Variants in GFRAL observed in about 807,000 individuals in gnomAD.
The protein encoded by GFRAL is GDNF family receptor alpha-like.
A neutral mutation model predicts 45.4 loss-of-function variants in GFRAL; 36 were observed. That is an observed-to-expected ratio of 0.79 (90% CI 0.61 to 1.05). GFRAL has a LOEUF of 1.05. Ranked by LOEUF, GFRAL falls within the 50% of genes least tolerant of loss-of-function variation. GFRAL has a pLI of 0.00. For missense variants in GFRAL, 507 were observed against 467.5 expected, an observed-to-expected ratio of 1.08 and a Z score of -0.78; for synonymous variants, 166 against 154.1, an observed-to-expected ratio of 1.08 and a Z score of -0.57.
At chr6:55,330,229 A>G (rs1160477062) in intron 1 of GFRAL, among the ~76,000 whole-genome samples, 2 of 152,168 alleles carry the variant, frequency 1.3e-5, no homozygotes, top group Non-Finnish European at 2.9e-5. Flanking sequence ...TTATTTATAT[A>G]TCTTATATAT....
intron 6 of GFRAL, among the ~76,000 whole-genome samples, chr6:55,365,450 G>T (rs1260758728): frequency 9.3e-6 from 1 of 107,382 alleles, no homozygotes; most frequent in Non-Finnish European, 1.9e-5. Flanking sequence ...CTGCCTAATT[G>T]CCCTGGCCAG....
At chr6:55,342,032 C>T (rs893161285) in intron 3 of GFRAL, among the ~76,000 whole-genome samples, 4 of 152,052 alleles carry the variant, frequency 2.6e-5, no homozygotes, top group Non-Finnish European at 4.4e-5. Flanking sequence ...TATGAAAAGA[C>T]CAAATCTACA....
chr6:55,384,121 G>A (rs1229780208), intron 6 of GFRAL, among the ~76,000 whole-genome samples: 1 of 151,926 alleles, frequency 6.6e-6, no homozygotes, highest in Non-Finnish European at 1.5e-5. Context: ...GGGGCCTGTT[G>A]GGGGGTTGGG....
intron 6 of GFRAL, among the ~76,000 whole-genome samples, chr6:55,359,488 C>A (rs1768244530): frequency 6.6e-6 from 1 of 152,068 alleles, no homozygotes; most frequent in East Asian, 1.9e-4. Flanking sequence ...AGTAACAAAA[C>A]AATGGCTTAA....
chr6:55,341,659 C>A (rs919917512), intron 3 of GFRAL, among the ~76,000 whole-genome samples: 4 of 152,106 alleles, frequency 2.6e-5, no homozygotes, highest in African/African-American at 9.7e-5. Context: ...AGCAATGGAA[C>A]AAAGCTGGAT....
intron 6 of GFRAL, among the ~76,000 whole-genome samples, chr6:55,381,371 G>T (rs1038657107): frequency 4.0e-5 from 6 of 151,572 alleles, no homozygotes; most frequent in African/African-American, 1.5e-4. Flanking sequence ...TCTGTCTATC[G>T]ATCCCTCATG....
At chr6:55,385,603 T>G (rs1768668904) in intron 6 of GFRAL, among the ~76,000 whole-genome samples, 1 of 152,150 alleles carries the variant, frequency 6.6e-6, no homozygotes, top group Admixed American at 6.6e-5. Context: ...TAGCTGTTTT[T>G]GGCACCAGAA....
At chr6:55,349,166 G>T (rs1346555849) in intron 3 of GFRAL, among the ~76,000 whole-genome samples, 1 of 151,932 alleles carries the variant, frequency 6.6e-6, no homozygotes, top group Non-Finnish European at 1.5e-5. Context: ...ACAATATAAG[G>T]AGTCTGGAAG....
At chr6:55,394,451 C>A (rs753405729) in intron 6 of GFRAL, among the ~76,000 whole-genome samples, 4 of 152,072 alleles carry the variant, frequency 2.6e-5, no homozygotes, top group Non-Finnish European at 5.9e-5. Context: ...TTTGAAATGA[C>A]CAAGTAGGCC....
intron 6 of GFRAL, among the ~76,000 whole-genome samples, chr6:55,373,758 T>G (rs1284609932): frequency 1.3e-5 from 2 of 152,068 alleles, no homozygotes; most frequent in Non-Finnish European, 2.9e-5. Flanking sequence ...CTTTTTTTTT[T>G]TAAGTTCTGG....
At chr6:55,331,940 G>GT in intron 2 of GFRAL, 91 bp downstream of exon 2, 7 of 1,210,074 alleles carry the variant, frequency 5.8e-6, no homozygotes, top group South Asian at 1.5e-5. Context: ...TAAGAACTAA[G>GT]TTTTTTTCTA....
intron 3 of GFRAL, among the ~76,000 whole-genome samples, chr6:55,346,641 T>G (rs564902753): frequency 6.6e-6 from 1 of 152,182 alleles, no homozygotes; most frequent in South Asian, 2.1e-4. Context: ...TGTATACATA[T>G]GTAACCAACC....
intron 6 of GFRAL, among the ~76,000 whole-genome samples, chr6:55,364,144 A>T (rs964963961): frequency 6.6e-6 from 1 of 150,420 alleles, no homozygotes; most frequent in Non-Finnish European, 1.5e-5. Context: ...GTGGTGTGAG[A>T]TGGTATCTCA....
At chr6:55,341,372 T>C (rs1767962736) in intron 3 of GFRAL, among the ~76,000 whole-genome samples, 1 of 152,166 alleles carries the variant, frequency 6.6e-6, no homozygotes, top group East Asian at 1.9e-4. Context: ...CAGCAATATT[T>C]GCTGTTCTGC....
rs756863835 is a variant in GFRAL at position 55,369,849 on chromosome 6, T to C, written c.952+10711T>C. Among the ~76,000 whole-genome samples, 28 of 152,224 alleles carry C rather than the reference T, an allele frequency of 1.8e-4. No individual in the cohort carries two copies. In the East Asian group the frequency reaches 2.1e-3, roughly 12 times the overall value. On this transcript the variant is annotated intron_variant, in intron 6 of 8. Coordinates refer to ENST00000340465, the MANE Select transcript of GFRAL (RefSeq NM_207410.2). ...CTACTCCTGTACTGTGCTTAAAATATCCTGCTTCTTTAGTCTCAGTAAATG... is the reference window on the plus strand; with the variant it reads ...CTACTCCTGTACTGTGCTTAAAATACCCTGCTTCTTTAGTCTCAGTAAATG...
chr6:55,331,715 C>A lies in GFRAL; in HGVS notation c.23C>A (p.Ala8Asp). Residue 8 changes from alanine to aspartate, a missense_variant and splice_region_variant, in exon 2 of 9, where the codon GCT becomes GAT. Physicochemically the swap from Ala to Asp is moderately radical, Grantham distance 126 (BLOSUM62 -2). Coordinates refer to ENST00000340465, the MANE Select transcript of GFRAL (RefSeq NM_207410.2). ...CTTGTTTTTGTTGTTGTTATTCAAGCTATGGGGTTAAGCTTGGAAAATGAA... is the reference window on the plus strand; with the variant it reads ...CTTGTTTTTGTTGTTGTTATTCAAGATATGGGGTTAAGCTTGGAAAATGAA... MIVFIFL[A>D]MGLSLENEYT... 1 of 1,604,392 alleles carries A rather than the reference C, an allele frequency of 6.2e-7. No individual in the cohort carries two copies. Among genetic ancestry groups the A allele is most frequent in the Non-Finnish European group, 8.5e-7 (1 of 1,176,830 alleles).
intron 6 of GFRAL, among the ~76,000 whole-genome samples, chr6:55,384,807 T>C (rs1049880275): frequency 2.7e-5 from 4 of 146,996 alleles, no homozygotes; most frequent in East Asian, 2.0e-4. Flanking sequence ...ACTTCGCAAA[T>C]AGGAAAATCT....
intron 6 of GFRAL, among the ~76,000 whole-genome samples, chr6:55,373,135 A>C (rs769474926): frequency 1.3e-5 from 2 of 152,082 alleles, no homozygotes; most frequent in Non-Finnish European, 2.9e-5. Context: ...ATGGGAGAAC[A>C]ATAACACACA....
chr6:55,399,529 G>A lies in GFRAL; in HGVS notation c.1121+88G>A. 3.0e-5 allele frequency: 26 copies of A among 871,856 alleles called. No homozygotes were observed. The South Asian group carries it at 3.6e-4, about 12-fold the overall frequency. The allele number at this position is 871,856 out of a possible 1,614,324, so 54.0% of individuals were successfully genotyped here. A position where few individuals can be genotyped will look rare whatever the true frequency, so the allele number is the denominator to read the frequency against. ...GTTGCACAATGGCTGAGCTTACAAA[G>A]AGCCTGAGAATGAAAGCTTCTCTGT... On this transcript the variant is annotated intron_variant, in intron 8 of 8. Transcript: ENST00000340465.
Sources: allele counts gnomAD v4.1 joint callset (sites outside exome capture counted in the v4.1 genomes callset), GRCh38; gene constraint gnomAD v4.1.1; transcripts MANE v1.5; gene names NCBI Gene and HGNC (gene_info 2026-07-23, HGNC 2026-07-21).